GKAP1: variants seen among roughly 807,000 people sequenced by gnomAD.
GKAP1 encodes G kinase-anchoring protein 1.
A neutral mutation model predicts 56.7 loss-of-function variants in GKAP1; 31 were observed. The observed-to-expected ratio is 0.55, with a 90% CI of 0.41 to 0.74. GKAP1 has a LOEUF of 0.74. Ranked by LOEUF, GKAP1 falls within the 30% of genes least tolerant of loss-of-function variation. The pLI is 0.00. For synonymous variants in GKAP1, 151 were observed against 138.6 expected (o/e 1.09, Z -0.63); for missense variants, 364 against 402.3 (o/e 0.90, Z 0.82).
intron 4 of GKAP1, among the ~76,000 whole-genome samples, chr9:83,795,750 C>T (rs936273616): frequency 2.6e-5 from 4 of 151,966 alleles, no homozygotes; most frequent in African/African-American, 4.8e-5. Context: ...TGGGGATTTG[C>T]CATATTGCCT....
At chr9:83,799,421 A>T in intron 3 of GKAP1, 93 bp from the exon 4 acceptor site, 1 of 889,546 alleles carries the variant, frequency 1.1e-6, no homozygotes, top group Non-Finnish European at 1.7e-6. Flanking sequence ...TGATATTTTT[A>T]TACTTCTACT....
At chr9:83,745,426 C>T (rs955386754) in intron 10 of GKAP1, among the ~76,000 whole-genome samples, 2 of 152,142 alleles carry the variant, frequency 1.3e-5, no homozygotes, top group Non-Finnish European at 2.9e-5. Flanking sequence ...ATAAGTGTTA[C>T]AAGTATTTTC....
At chr9:83,791,068 T>G (rs943460379) in intron 4 of GKAP1, among the ~76,000 whole-genome samples, 19 of 152,096 alleles carry the variant, frequency 1.2e-4, no homozygotes, top group African/African-American at 3.6e-4. Flanking sequence ...ATTTAAATGT[T>G]AAGGCAGTTC....
At chr9:83,743,553 C>A (rs1286565336) in intron 10 of GKAP1, among the ~76,000 whole-genome samples, 1 of 152,150 alleles carries the variant, frequency 6.6e-6, no homozygotes, top group East Asian at 1.9e-4. Flanking sequence ...CAAGCTCACG[C>A]CACTGGACTC....
intron 10 of GKAP1, among the ~76,000 whole-genome samples, chr9:83,747,385 G>A (rs1379750066): frequency 1.3e-5 from 2 of 152,122 alleles, no homozygotes; most frequent in Admixed American, 1.3e-4. Flanking sequence ...AAAGTATGAA[G>A]AGCAGTGGGG....
At chr9:83,800,487 C>A (rs1485189959) in intron 3 of GKAP1, among the ~76,000 whole-genome samples, 1 of 151,990 alleles carries the variant, frequency 6.6e-6, no homozygotes, top group Non-Finnish European at 1.5e-5. Flanking sequence ...TCACATGCCA[C>A]CACGCCCAGA....
chr9:83,797,017 A>T (rs1014591918), intron 4 of GKAP1, among the ~76,000 whole-genome samples: 3 of 152,108 alleles, frequency 2.0e-5, no homozygotes, highest in Non-Finnish European at 4.4e-5. Context: ...CTTTTCCTTC[A>T]TGTGGCAGAA....
At chr9:83,762,174 A>T (rs546565535) in intron 8 of GKAP1, among the ~76,000 whole-genome samples, 16 of 152,170 alleles carry the variant, frequency 1.1e-4, no homozygotes, top group Non-Finnish European at 1.8e-4. Flanking sequence ...TCCACAAAAA[A>T]ACTATTAGAA....
chr9:83,785,223 T>G (rs1480035566), intron 5 of GKAP1, among the ~76,000 whole-genome samples: 2 of 152,094 alleles, frequency 1.3e-5, no homozygotes, highest in Non-Finnish European at 2.9e-5. Context: ...AAACACATTA[T>G]TTTTTTCAAG....
chr9:83,811,955 T>C (rs1587745938), intron 2 of GKAP1, among the ~76,000 whole-genome samples: 1 of 151,760 alleles, frequency 6.6e-6, no homozygotes. Flanking sequence ...ACATACTATG[T>C]CAAAAGGTAC....
intron 9 of GKAP1, among the ~76,000 whole-genome samples, chr9:83,751,009 A>T (rs372584783): frequency 2.6e-5 from 4 of 151,874 alleles, no homozygotes; most frequent in African/African-American, 9.7e-5. Flanking sequence ...CTAATTTTTC[A>T]TATTTTTAGT....
chr9:83,809,265 G>A (rs1024328169), intron 2 of GKAP1, among the ~76,000 whole-genome samples: 1 of 152,186 alleles, frequency 6.6e-6, no homozygotes, highest in Non-Finnish European at 1.5e-5. Context: ...GGTATCCTTA[G>A]ATAAAGTTTC....
chr9:83,795,772 G>A (rs913272757), intron 4 of GKAP1, among the ~76,000 whole-genome samples: 2 of 151,848 alleles, frequency 1.3e-5, no homozygotes, highest in Non-Finnish European at 1.5e-5. Flanking sequence ...GGCTGGTCTC[G>A]CAAACTCCTG....
At chr9:83,802,837 A>AT (rs1263228334) in intron 3 of GKAP1, among the ~76,000 whole-genome samples, 8 of 152,188 alleles carry the variant, frequency 5.3e-5, no homozygotes, top group African/African-American at 1.4e-4. Flanking sequence ...TCTTTAAAAA[A>AT]AAAAAATAAA....
chr9:83,802,438 C>T (rs1197282472), intron 3 of GKAP1, among the ~76,000 whole-genome samples: 1 of 144,598 alleles, frequency 6.9e-6, no homozygotes, highest in East Asian at 2.0e-4. Context: ...GCTGAGATCA[C>T]GGCACTAAAA....
intron 8 of GKAP1, among the ~76,000 whole-genome samples, chr9:83,759,708 A>G (rs1943536982): frequency 6.6e-6 from 1 of 152,130 alleles, no homozygotes; most frequent in South Asian, 2.1e-4. Context: ...TGAATGCCAA[A>G]TTGTTTTTCA....
At chr9:83,771,595 T>C (rs749408391) in intron 7 of GKAP1, among the ~76,000 whole-genome samples, 39 of 152,344 alleles carry the variant, frequency 2.6e-4, no homozygotes, top group Middle Eastern at 3.4e-3. Context: ...AACATTACCT[T>C]ATTTGAATTT....
intron 8 of GKAP1, among the ~76,000 whole-genome samples, chr9:83,754,254 A>T (rs1943439036): frequency 6.6e-6 from 1 of 152,210 alleles, no homozygotes; most frequent in African/African-American, 2.4e-5. Context: ...AACTGGGAAA[A>T]ATCAGGTTAA....
intron 8 of GKAP1, among the ~76,000 whole-genome samples, chr9:83,765,899 TGG>T (rs1943655562): frequency 6.6e-6 from 1 of 152,196 alleles, no homozygotes; most frequent in South Asian, 2.1e-4. Context: ...CTTGGACTTC[TGG>T]GTTAATCGTG....
Sources: allele counts gnomAD v4.1 joint callset (sites outside exome capture counted in the v4.1 genomes callset), GRCh38; gene constraint gnomAD v4.1.1; transcripts MANE v1.5; gene names NCBI Gene and HGNC (gene_info 2026-07-23, HGNC 2026-07-21).